The following COLEC10 variants were observed in gnomAD, a reference collection of about 807,000 sequenced individuals.
COLEC10 encodes collectin subfamily member 10, also known as collectin-10.
In COLEC10, 22 loss-of-function variants were observed where a neutral mutation model predicts 28.4. That is an observed-to-expected ratio of 0.78 (90% confidence interval 0.55 to 1.11). The LOEUF (loss-of-function observed/expected upper bound fraction) is 1.11. COLEC10 is among the 50% of genes least tolerant of loss of function. COLEC10 has a pLI of 0.00. For synonymous variants in COLEC10, 125 were observed against 116.1 expected (o/e 1.08, Z -0.49); for missense variants, 361 against 344.1 (o/e 1.05, Z -0.39).
chr8:118,967,310 GA>G, the COLEC10 span, among the ~76,000 whole-genome samples: 6 of 151,426 alleles, frequency 4.0e-5, no homozygotes, highest in African/African-American at 1.5e-4. Flanking sequence ...GAAATGGAAA[GA>G]AAAAAATGGA....
chr8:118,953,158 TC>T, the COLEC10 span, among the ~76,000 whole-genome samples: 13 of 152,170 alleles, frequency 8.5e-5, no homozygotes, highest in African/African-American at 3.1e-4. Context: ...GACTGTTCCA[TC>T]CTGCAAATTA....
intron 2 of COLEC10, among the ~76,000 whole-genome samples, chr8:119,029,231 G>T (rs1269660440): frequency 6.6e-6 from 1 of 152,102 alleles, no homozygotes; most frequent in Admixed American, 6.6e-5. Flanking sequence ...ATTAGTGCGG[G>T]AGTAACATCA....
the COLEC10 span, among the ~76,000 whole-genome samples, chr8:118,988,419 A>G: frequency 6.6e-6 from 1 of 152,108 alleles, no homozygotes; most frequent in Non-Finnish European, 1.5e-5. Context: ...AGAAACAGGG[A>G]ATTCTTCCCA....
chr8:119,045,938 A>T (rs1814577478), intron 2 of COLEC10, among the ~76,000 whole-genome samples: 1 of 152,222 alleles, frequency 6.6e-6, no homozygotes, highest in African/African-American at 2.4e-5. Context: ...TCTTTGGAAA[A>T]GCAGAAGTTA....
the COLEC10 span, among the ~76,000 whole-genome samples, chr8:118,975,173 G>A: frequency 1.3e-5 from 2 of 151,986 alleles, no homozygotes; most frequent in African/African-American, 4.8e-5. Flanking sequence ...GGATGAAAGC[G>A]ATTTACATTT....
chr8:119,057,418 C>T (rs887258874), intron 2 of COLEC10, among the ~76,000 whole-genome samples: 1 of 152,040 alleles, frequency 6.6e-6, no homozygotes, highest in Non-Finnish European at 1.5e-5. Context: ...AATACACTTG[C>T]TTAGGAAACA....
upstream of COLEC10, among the ~76,000 whole-genome samples, chr8:118,992,011 C>T (rs1344114828): frequency 6.6e-6 from 1 of 151,960 alleles, no homozygotes. Context: ...GATTTTAAAG[C>T]TAGAGTTGAT....
chr8:119,059,806 G>A (rs75860192), intron 2 of COLEC10, among the ~76,000 whole-genome samples: 2,904 of 152,098 alleles, frequency 0.019, 82 homozygotes, highest in African/African-American at 0.066. Context: ...GATGGATACC[G>A]TGAAAGTCCT....
chr8:119,083,866 T>G (rs1328993850), intron 1 of COLEC10, among the ~76,000 whole-genome samples: 2 of 152,162 alleles, frequency 1.3e-5, no homozygotes, highest in Non-Finnish European at 2.9e-5. Flanking sequence ...TATAGTAAAT[T>G]CAGGAGTTGA....
intron 2 of COLEC10, among the ~76,000 whole-genome samples, chr8:119,017,859 C>A (rs7016585): frequency 0.63 from 95,422 of 151,948 alleles, 31,011 homozygotes; most frequent in African/African-American, 0.79. Context: ...AAATAACTTC[C>A]TGAGATAAGT....
rs560847799 is a variant in COLEC10, at chr8:119,060,570, A to C, written n.236-29110A>C. Reference sequence around the variant, plus strand: ...AGCTGAGGTGATAGTGAGCTACAGAAGACTAAAAGAAAGTAAGAACAGTGA... The same window carrying C: ...AGCTGAGGTGATAGTGAGCTACAGACGACTAAAAGAAAGTAAGAACAGTGA... On this transcript the variant is annotated intron_variant and non_coding_transcript_variant, in intron 2 of 6. Coordinates refer to the COLEC10 transcript ENST00000521788. Among the ~76,000 whole-genome samples, 5 of 152,270 alleles carry C rather than the reference A, an allele frequency of 3.3e-5. No homozygotes were observed. The East Asian group carries it at 9.6e-4, about 29-fold the overall frequency.
chr8:118,993,139 T>C (rs534309562), upstream of COLEC10, among the ~76,000 whole-genome samples: 1 of 152,272 alleles, frequency 6.6e-6, no homozygotes, highest in Admixed American at 6.5e-5. Flanking sequence ...CTGGTTACAT[T>C]AGTTTCCTAG....
chr8:118,993,803 A>T (rs916804777), upstream of COLEC10, among the ~76,000 whole-genome samples: 3 of 152,168 alleles, frequency 2.0e-5, no homozygotes, highest in African/African-American at 7.2e-5. Flanking sequence ...ACATTCTGAG[A>T]TACTGGGGGT....
chr8:118,995,275 T>A (rs1586987382), upstream of COLEC10, among the ~76,000 whole-genome samples: 2 of 152,206 alleles, frequency 1.3e-5, no homozygotes, highest in Admixed American at 1.3e-4. Context: ...GACAGTTTAG[T>A]GGTCTTTACC....
upstream of COLEC10, among the ~76,000 whole-genome samples, chr8:119,062,727 AC>A (rs1161312123): frequency 1.3e-5 from 2 of 152,014 alleles, no homozygotes; most frequent in Middle Eastern, 3.4e-3. Flanking sequence ...CAATCCACCC[AC>A]CTCGGCCTCC....
At chr8:118,984,511 T>C in the COLEC10 span, among the ~76,000 whole-genome samples, 3 of 152,002 alleles carry the variant, frequency 2.0e-5, no homozygotes, top group East Asian at 5.8e-4. Flanking sequence ...AAAGATGTAA[T>C]CAAATGAAGA....
chr8:119,019,786 G>A (rs1366198058), intron 2 of COLEC10, among the ~76,000 whole-genome samples: 2 of 152,128 alleles, frequency 1.3e-5, no homozygotes, highest in South Asian at 4.1e-4. Context: ...TGTACACCCA[G>A]TATCAAGCAC....
At chr8:119,102,300 C>CTTATATTTTAA in intron 3 of COLEC10, 48 bp from the exon 4 acceptor site, 1 of 985,190 alleles carries the variant, frequency 1.0e-6, no homozygotes, top group Non-Finnish European at 1.4e-6. Flanking sequence ...TTCCTTTCTT[C>CTTATATTTTAA]TTTTATTTTA....
intron 1 of COLEC10, among the ~76,000 whole-genome samples, chr8:118,997,418 T>G (rs1813607980): frequency 6.6e-6 from 1 of 152,170 alleles, no homozygotes; most frequent in Non-Finnish European, 1.5e-5. Flanking sequence ...CTGTGTTTTT[T>G]CATAGAAGTT....
Sources: allele counts gnomAD v4.1 joint callset (sites outside exome capture counted in the v4.1 genomes callset), GRCh38; gene constraint gnomAD v4.1.1; transcripts MANE v1.5; gene names NCBI Gene and HGNC (gene_info 2026-07-23, HGNC 2026-07-21).